Variants in HNRNPL observed in about 807,000 individuals in gnomAD.
HNRNPL encodes epididymis secretory sperm binding protein.
In HNRNPL, 12 loss-of-function variants were observed where a neutral mutation model predicts 64.0. That is an observed-to-expected ratio of 0.19 (90% confidence interval 0.12 to 0.30). The LOEUF is 0.30. Ranked by LOEUF, HNRNPL falls within the 10% of genes least tolerant of loss-of-function variation. The probability of loss-of-function intolerance (pLI) is 1.00; values close to 1 mark genes in which losing one functional copy is unlikely to be tolerated. For synonymous variants in HNRNPL, 385 were observed against 313.0 expected, an observed-to-expected ratio of 1.23 and a Z score of -2.43; for missense variants, 484 against 797.4, an observed-to-expected ratio of 0.61 and a Z score of 4.73.
intron 9 of HNRNPL, 123 bp downstream of exon 9, chr19:38,838,771 C>T: frequency 7.1e-7 from 1 of 1,409,042 alleles, no homozygotes. Flanking sequence ...TGGGAACACA[C>T]CTGCCACATC....
upstream of HNRNPL, chr19:38,851,269 T>C (rs1972497357): frequency 6.6e-6 from 1 of 152,270 alleles, no homozygotes; most frequent in African/African-American, 2.4e-5. Context: ...CAAGAGAATG[T>C]CGGAGGGTAT....
At chr19:38,843,433 T>C in intron 6 of HNRNPL, 1 of 204,896 alleles carries the variant, frequency 4.9e-6, no homozygotes, top group Non-Finnish European at 1.0e-5. Context: ...CCCCCAACAC[T>C]GTCACTCCCC....
chr19:38,840,410 G>T, intron 7 of HNRNPL, 34 bp from the exon 8 acceptor site: 1 of 1,567,566 alleles, frequency 6.4e-7, no homozygotes, highest in Non-Finnish European at 8.7e-7. Flanking sequence ...GGGAGGACGG[G>T]TGAGAATTTG....
intron 1 of HNRNPL, among the ~76,000 whole-genome samples, chr19:38,849,128 G>A (rs1972406285): frequency 6.6e-6 from 1 of 152,220 alleles, no homozygotes; most frequent in South Asian, 2.1e-4. Flanking sequence ...CTCCTAAAAG[G>A]CTAAAAGTGC....
upstream of HNRNPL, chr19:38,850,159 T>C: frequency 2.3e-6 from 1 of 430,354 alleles, no homozygotes; most frequent in South Asian, 6.4e-5. Context: ...TCTGAGACAC[T>C]CCTTATAGGT....
chr19:38,849,732 CT>C lies in HNRNPL; in HGVS notation c.234del (p.Gly79GlufsTer31). ...DQHGGGGGGG[G>X]GAGAAGGGGG... ...CCGCCGCCGCCCGCCGCCCCGGCTC[CT>C]CCACCGCCACCGCCGCCGCCTCCGT... On this transcript the variant is annotated frameshift_variant, in exon 1 of 13. Coordinates refer to ENST00000221419, the MANE Select transcript of HNRNPL (RefSeq NM_001533.3). LOFTEE classifies it high-confidence loss of function. The C allele has an allele frequency of 7.2e-7, 1 of 1,390,414 alleles. No homozygotes were observed. Among genetic ancestry groups the C allele is most frequent in the Admixed American group, 3.3e-5 (1 of 30,226 alleles). The allele number at this position is 1,390,414 out of a possible 1,614,324, so 86.1% of individuals were successfully genotyped here.
Position 38,837,604 on chromosome 19 carries a change from G to C in HNRNPL, c.1605C>G (p.Phe535Leu). The change falls in exon 11 of 13, where the codon TTC becomes TTG. Residue 535 changes from phenylalanine (F) to leucine (L), a missense_variant. By Grantham distance (22) the Phe-to-Leu change is conservative. Coordinates refer to ENST00000221419, the MANE Select transcript of HNRNPL (RefSeq NM_001533.3). Reference protein sequence around the residue: ...GVKRPSSVKVFSGKSERSSSG... With the variant: ...GVKRPSSVKVLSGKSERSSSG... ...GCACACTCGACTCACTTTTGCCTGAGAATACTTTCACAGAAGATGGCCGCT... is the reference window on the plus strand; with the variant it reads ...GCACACTCGACTCACTTTTGCCTGACAATACTTTCACAGAAGATGGCCGCT... The C allele has an allele frequency of 6.2e-7, 1 of 1,614,216 alleles. No homozygotes were observed. The highest frequency in any genetic ancestry group is 8.5e-7 in the Non-Finnish European group (1 of 1,180,022).
At chr19:38,841,242 G>A (rs564082543) in intron 6 of HNRNPL, 25 of 285,872 alleles carry the variant, frequency 8.7e-5, no homozygotes, top group Non-Finnish European at 1.5e-4. Flanking sequence ...TTAACTTAGC[G>A]CTTAAGTGGC....
In HNRNPL at chr19:38,849,694, C is replaced by T. The variant is rs535059222; in HGVS notation, c.267+6G>A. The T allele has an allele frequency of 4.7e-5, 64 of 1,355,702 alleles. 4 individuals carry two copies. In the South Asian group the frequency reaches 1.1e-3, roughly 24 times the overall value. The allele number at this position is 1,355,702 out of a possible 1,614,324, so 84.0% of individuals were successfully genotyped here. On this transcript the variant is annotated splice_donor_region_variant and intron_variant, in intron 1 of 12. Coordinates refer to ENST00000221419, the MANE Select transcript of HNRNPL (RefSeq NM_001533.3). ...GCCTTCCCAGCGCCTAGGGCCCTGG[C>T]CTCACCCCACCGCCGCCGCCGCCCG...
intron 2 of HNRNPL, 36 bp from the exon 3 acceptor site, chr19:38,846,126 A>G (rs754609760): frequency 1.4e-6 from 2 of 1,478,796 alleles, no homozygotes; most frequent in Non-Finnish European, 1.9e-6. Flanking sequence ...TCCTCTCAGG[A>G]AAATGTAGAC....
intron 8 of HNRNPL, chr19:38,839,379 C>T (rs926824785): frequency 1.2e-5 from 3 of 249,826 alleles, no homozygotes; most frequent in Non-Finnish European, 2.4e-5. Flanking sequence ...ACTCCTTCAG[C>T]TGGGTTACAA....
In HNRNPL at chr19:38,844,081, TG is replaced by T; in HGVS notation, c.733del (p.Gln245SerfsTer19). On this transcript the variant is annotated frameshift_variant, in exon 5 of 13. Coordinates refer to ENST00000221419, the MANE Select transcript of HNRNPL (RefSeq NM_001533.3). LOFTEE classifies it high-confidence loss of function. The part of the protein sequence containing the change: ...MVEFDSVQSA[Q>X]RAKASLNGAD... ...CCCATTGAGAGAGGCCTTGGCCCGC[TG>T]GGCACTTTGAACTGAGTCAAATGTG... 1 of 1,613,578 alleles carries T rather than the reference TG, an allele frequency of 6.2e-7. No individual in the cohort carries two copies. Among genetic ancestry groups the T allele is most frequent in the Non-Finnish European group, 8.5e-7 (1 of 1,179,458 alleles).
In HNRNPL at chr19:38,849,975, A is replaced by G; in HGVS notation, c.-9T>C. On this transcript the variant is annotated 5_prime_UTR_variant, in exon 1 of 13. Coordinates refer to ENST00000221419, the MANE Select transcript of HNRNPL (RefSeq NM_001533.3). ...AGCAGCCTCCGCGACATGGCGGCGC[A>G]GAACCCGCCTCCCCCCGCCTCTCAT... 2.3e-6 allele frequency: 3 copies of G among 1,326,860 alleles called. No homozygotes were observed. The highest frequency in any genetic ancestry group is 1.8e-5 in the South Asian group (1 of 54,476). The allele number at this position is 1,326,860 out of a possible 1,614,324, so 82.2% of individuals were successfully genotyped here. A position where few individuals can be genotyped will look rare whatever the true frequency, so the allele number is the denominator to read the frequency against.
Position 38,845,469 on chromosome 19 carries a change from CCA to C in HNRNPL, c.710+179_710+180del, listed in dbSNP as rs1487964803. On this transcript the variant is annotated intron_variant, in intron 4 of 12. Coordinates refer to ENST00000221419, the MANE Select transcript of HNRNPL (RefSeq NM_001533.3). ...GCTCTCTCCCCTAAGATCTGCACGT[CCA>C]CACGATATGCCTGGTCCTTTAACTG... 40 of 614,128 alleles carry C rather than the reference CCA, an allele frequency of 6.5e-5. 1 individual carries two copies. In the Admixed American group the frequency reaches 9.8e-4, roughly 15 times the overall value. The allele number at this position is 614,128 out of a possible 1,614,324, so 38.0% of individuals were successfully genotyped here. A position where few individuals can be genotyped will look rare whatever the true frequency, so the allele number is the denominator to read the frequency against.
upstream of HNRNPL, chr19:38,850,221 C>T (rs1189507925): frequency 2.5e-6 from 1 of 401,468 alleles, no homozygotes; most frequent in Non-Finnish European, 4.4e-6. Flanking sequence ...AAATAAAATC[C>T]AATTTGATAG....
At chr19:38,851,406 A>G (rs578006886), upstream of HNRNPL, among the ~76,000 whole-genome samples, 41 of 152,296 alleles carry the variant, frequency 2.7e-4, no homozygotes, top group Admixed American at 2.4e-3. Context: ...GGCATTTAAC[A>G]TTATGGGGCT....
chr19:38,836,813 G>T, intron 12 of HNRNPL, 33 bp from the exon 13 acceptor site: 3 of 1,546,770 alleles, frequency 1.9e-6, no homozygotes, highest in Non-Finnish European at 2.7e-6. Context: ...GTTGGTTCCC[G>T]TCTTTGGAGG....
rs147384264 is a variant in HNRNPL at position 38,840,555 on chromosome 19, G to A, written c.885C>T (p.Asp295=). 2.5e-6 allele frequency: 4 copies of A among 1,583,946 alleles called. No homozygotes were observed. The highest frequency in any genetic ancestry group is 2.3e-5 in the East Asian group (1 of 43,522). The change falls in exon 7 of 13, where the codon GAC becomes GAT. Residue 295 remains aspartate, a synonymous_variant. Coordinates refer to ENST00000221419, the MANE Select transcript of HNRNPL (RefSeq NM_001533.3). ...YTNPNLSGQG[D]PGSNPNKRQR... is the part of the protein sequence containing the mutation. ...GGCGTTTGTTGGGGTTGCTGCCAGGGTCACCTGTGGAGAGAGAAAACAGTT... is the reference window on the plus strand; with the variant it reads ...GGCGTTTGTTGGGGTTGCTGCCAGGATCACCTGTGGAGAGAGAAAACAGTT...
At chr19:38,837,730 A>G (rs777570929) in intron 10 of HNRNPL, 79 bp from the exon 11 acceptor site, 81 of 1,227,678 alleles carry the variant, frequency 6.6e-5, no homozygotes, top group Non-Finnish European at 8.6e-5. Flanking sequence ...CAGGCCCTGC[A>G]TGACTCAGTA....
Sources: gnomAD v4.1 joint callset for allele counts (sites outside exome capture counted in the v4.1 genomes callset) on GRCh38, gnomAD v4.1.1 for gene constraint, MANE v1.5 for transcripts, NCBI Gene and HGNC (gene_info 2026-07-23, HGNC 2026-07-21) for gene names.